Variants in ABCA13 observed in about 807,000 individuals in gnomAD.
ABCA13 encodes ATP binding cassette subfamily A member 13, also known as ATP-binding cassette sub-family A member 13.
ABCA13 carries 476 observed loss-of-function variants against 478.7 expected under a neutral mutation model. The ratio of observed to expected loss-of-function variants is 0.99; its 90% CI spans 0.92 to 1.07. The LOEUF (loss-of-function observed/expected upper bound fraction) is 1.07, where lower values mean the gene tolerates loss of function less well. Ranked by LOEUF, ABCA13 falls within the 50% of genes least tolerant of loss-of-function variation. The pLI, the probability that ABCA13 is intolerant of heterozygous loss-of-function variation, is 0.00. For missense variants in ABCA13, 6,060 were observed against 5,910.6 expected, an observed-to-expected ratio of 1.03 and a Z score of -0.83; for synonymous variants, 2,252 against 2,158.9, an observed-to-expected ratio of 1.04 and a Z score of -1.20.
At position 48,587,230 on chromosome 7, in the gene ABCA13, C is replaced by T; in HGVS notation, c.14582C>T (p.Thr4861Ile). 1.2e-6 allele frequency: 2 copies of T among 1,612,478 alleles called. No homozygotes were observed. Among genetic ancestry groups the T allele is most frequent in the Non-Finnish European group, 1.7e-6 (2 of 1,179,256 alleles). ...DKPVATYSGG[T>I]KRKLSTALAL... ...CCTGTGGCCACCTACAGTGGGGGAA[C>T]CAAGCGGAAACTCTCTACAGCCCTG... is the stretch of plus-strand genomic sequence containing the variant. The change falls in exon 57 of 62, where the codon ACC becomes ATC. Residue 4861 changes from threonine (T) to isoleucine (I), a missense_variant. Thr to Ile is a moderately conservative substitution (Grantham distance 89). This residue lies in a region of ABCA13 where 1,627 missense variants were observed against 1,571.0 expected (regional missense o/e 1.04). Coordinates refer to ENST00000435803, the MANE Select transcript of ABCA13 (RefSeq NM_152701.5).
chr7:48,424,964 C>T (rs1821210522), intron 41 of ABCA13, among the ~76,000 whole-genome samples: 1 of 152,158 alleles, frequency 6.6e-6, no homozygotes, highest in Non-Finnish European at 1.5e-5. Context: ...AGGTGAGTTG[C>T]CACTTGATGG....
chr7:48,590,304 G>GGA (rs147486883), intron 57 of ABCA13, among the ~76,000 whole-genome samples: 14 of 151,372 alleles, frequency 9.2e-5, no homozygotes, highest in African/African-American at 2.9e-4. Context: ...GTGAGAGAGA[G>GGA]GAGAGAGAGA....
chr7:48,412,668 G>A, intron 41 of ABCA13, 85 bp downstream of exon 41: 7 of 1,104,286 alleles, frequency 6.3e-6, no homozygotes, highest in East Asian at 2.7e-5. Flanking sequence ...GTAAAGGGGG[G>A]GAGATGTGGG....
In ABCA13 at chr7:48,455,254, A is replaced by G. The variant is rs752906810; in HGVS notation, c.12783A>G (p.Gly4261=). ...TEYPPLRLTP[G]HYQRAETYFF... is the part of the protein sequence containing the mutation. ...ACCCTCCCCTCAGACTCACACCTGG[A>G]CATTACCAGCGGGCCGAGACCTACT... is the stretch of plus-strand genomic sequence containing the variant. Residue 4261 remains glycine (G), a synonymous_variant, in exon 43 of 62, where the codon GGA becomes GGG. Coordinates refer to ENST00000435803, the MANE Select transcript of ABCA13 (RefSeq NM_152701.5). 6.2e-7 allele frequency: 1 copy of G among 1,606,724 alleles called. No homozygotes were observed. Among genetic ancestry groups the G allele is most frequent in the South Asian group, 1.1e-5 (1 of 89,540 alleles).
At position 48,272,854 on chromosome 7, in the gene ABCA13, C is replaced by T. The variant is rs760863331; in HGVS notation, c.3188C>T (p.Thr1063Ile). The change falls in exon 17 of 62, where the codon ACA (threonine) becomes ATA (isoleucine). Residue 1063 changes from threonine to isoleucine, a missense_variant. This residue lies in a region of ABCA13 where 4,423 missense variants were observed against 4,309.1 expected (regional missense o/e 1.03). Transcript: ENST00000435803. ...QELEVIHTTL[T>I]GLKQLLIIDE... Reference sequence around the variant, plus strand: ...CTGGAAGTGATCCACACTACTTTGACAGGCCTCAAACAGCTGCTCATAATT... The same window carrying T: ...CTGGAAGTGATCCACACTACTTTGATAGGCCTCAAACAGCTGCTCATAATT... 4.4e-6 allele frequency: 7 copies of T among 1,607,514 alleles called. No homozygotes were observed. The East Asian group carries it at 1.6e-4, about 36-fold the overall frequency.
intron 48 of ABCA13, among the ~76,000 whole-genome samples, chr7:48,496,662 C>T (rs764255922): frequency 2.0e-4 from 31 of 151,974 alleles, no homozygotes; most frequent in Admixed American, 7.9e-4. Flanking sequence ...TCAACTGATA[C>T]GATCTTTATT....
intron 29 of ABCA13, among the ~76,000 whole-genome samples, chr7:48,347,447 C>T (rs1284986336): frequency 6.6e-5 from 10 of 152,168 alleles, no homozygotes; most frequent in East Asian, 3.9e-4. Context: ...AACAAGGCAC[C>T]GTCAGCACAG....
intron 55 of ABCA13, among the ~76,000 whole-genome samples, chr7:48,563,725 A>G (rs1403716600): frequency 6.6e-6 from 1 of 151,654 alleles, no homozygotes; most frequent in Non-Finnish European, 1.5e-5. Context: ...GACTCCTCAA[A>G]TCCCCCCACC....
rs561430075 is a variant in ABCA13 at position 48,198,439 on chromosome 7, T to C, written c.287+79T>C. 1.1e-5 allele frequency: 17 copies of C among 1,527,684 alleles called. No homozygotes were observed. In the African/African-American group the frequency reaches 1.8e-4, roughly 16 times the overall value. The allele number at this position is 1,527,684 out of a possible 1,614,324, so 94.6% of individuals were successfully genotyped here. Reference sequence around the variant, plus strand: ...ACAGGCTTCTGCTTTTTGTAAAGCCTCAATAATTTGGGATAGGTCAGAGAT... The same window carrying C: ...ACAGGCTTCTGCTTTTTGTAAAGCCCCAATAATTTGGGATAGGTCAGAGAT... On this transcript the variant is annotated intron_variant, in intron 3 of 61. Coordinates refer to ENST00000435803, the MANE Select transcript of ABCA13 (RefSeq NM_152701.5).
chr7:48,630,714 T>G (rs1794093941), intron 59 of ABCA13, among the ~76,000 whole-genome samples: 1 of 152,152 alleles, frequency 6.6e-6, no homozygotes, highest in Admixed American at 6.6e-5. Flanking sequence ...TGTTTTAAGT[T>G]TTTGAGAAGT....
intron 35 of ABCA13, among the ~76,000 whole-genome samples, chr7:48,387,293 G>A (rs1321423186): frequency 6.6e-6 from 1 of 152,038 alleles, no homozygotes; most frequent in Non-Finnish European, 1.5e-5. Flanking sequence ...TGTTAAATGG[G>A]CTGAAATGAA....
chr7:48,256,521 C>A (rs916581690), intron 15 of ABCA13, among the ~76,000 whole-genome samples: 2 of 152,122 alleles, frequency 1.3e-5, no homozygotes. Context: ...ACATGGCTAG[C>A]CAGTTATTCC....
At chr7:48,472,758 A>T (rs937452534) in intron 45 of ABCA13, among the ~76,000 whole-genome samples, 3 of 152,208 alleles carry the variant, frequency 2.0e-5, no homozygotes, top group Non-Finnish European at 4.4e-5. Context: ...TGTCATTTCC[A>T]TAAGGCACGA....
intron 41 of ABCA13, among the ~76,000 whole-genome samples, chr7:48,413,483 G>C (rs1819549735): frequency 6.6e-6 from 1 of 152,266 alleles, no homozygotes; most frequent in East Asian, 1.9e-4. Context: ...GGCATGCCTT[G>C]TTTGGGGTTC....
At chr7:48,641,187 C>T (rs1173692010) in intron 59 of ABCA13, among the ~76,000 whole-genome samples, 4 of 152,126 alleles carry the variant, frequency 2.6e-5, no homozygotes, top group African/African-American at 7.2e-5. Flanking sequence ...GCTGCAGTTT[C>T]TACTAATGGT....
Position 48,196,143 on chromosome 7 carries a change from A to G in ABCA13, c.164-2094A>G, listed in dbSNP as rs187821596. Among the ~76,000 whole-genome samples, 26 of 152,312 alleles carry G rather than the reference A, an allele frequency of 1.7e-4. 1 individual carries two copies. The East Asian group carries it at 4.8e-3, about 28-fold the overall frequency. ...GATTTAGTTGTAAATGATAGAGAGC[A>G]CTAAGTCTGCCATCCACTGTGGTAG... On this transcript the variant is annotated intron_variant, in intron 2 of 61. Coordinates refer to ENST00000435803, the MANE Select transcript of ABCA13 (RefSeq NM_152701.5).
rs1003566260 is a variant in ABCA13 at position 48,228,653 on chromosome 7, G to A, written c.633-1172G>A. On this transcript the variant is annotated intron_variant, in intron 6 of 61. Coordinates refer to ENST00000435803, the MANE Select transcript of ABCA13 (RefSeq NM_152701.5). Reference sequence around the variant, plus strand: ...TCCCCAAACTCCCACATTCTGGTGCGTAACTCTGAGGATCACAAAATTCTA... The same window carrying A: ...TCCCCAAACTCCCACATTCTGGTGCATAACTCTGAGGATCACAAAATTCTA... 3.9e-5 allele frequency among the ~76,000 whole-genome samples: 6 copies of A among 152,296 alleles called. 1 individual carries two copies. The highest frequency in any genetic ancestry group is 2.1e-4 in the South Asian group (1 of 4,826).
chr7:48,440,515 C>A (rs905216710), intron 42 of ABCA13, among the ~76,000 whole-genome samples: 1 of 152,064 alleles, frequency 6.6e-6, no homozygotes, highest in African/African-American at 2.4e-5. Context: ...TTAAACTGGA[C>A]ATACACATTA....
intron 35 of ABCA13, among the ~76,000 whole-genome samples, chr7:48,383,427 C>A (rs1028900156): frequency 6.6e-6 from 1 of 152,136 alleles, no homozygotes; most frequent in Non-Finnish European, 1.5e-5. Context: ...TGAGTCATGG[C>A]CCTAAGTTTG....
Sources: gnomAD v4.1 joint callset for allele counts (sites outside exome capture counted in the v4.1 genomes callset) on GRCh38, gnomAD v4.1.1 for gene constraint, gnomAD v4.1.1 regional missense constraint, MANE v1.5 for transcripts, NCBI Gene and HGNC (gene_info 2026-07-23, HGNC 2026-07-21) for gene names.